Variants in SCN2A observed in about 807,000 individuals in gnomAD.
SCN2A encodes the protein sodium voltage-gated channel alpha subunit 2, also known as sodium channel protein type 2 subunit alpha.
A neutral mutation model predicts 188.7 loss-of-function variants in SCN2A; 20 were observed. That is an observed-to-expected ratio of 0.11 (90% CI 0.07 to 0.15). SCN2A has a LOEUF of 0.15. Among genes scored for constraint, SCN2A ranks in the 10% least tolerant of loss-of-function variants. The pLI, the probability that SCN2A is intolerant of heterozygous loss-of-function variation, is 1.00. For missense variants in SCN2A, 1,278 were observed against 2,445.0 expected (o/e 0.52, Z 10.07); for synonymous variants, 804 against 833.1 (o/e 0.97, Z 0.60).
intron 1 of SCN2A, chr2:165,294,234 A>G (rs1696377279): frequency 8.9e-6 from 4 of 449,988 alleles, no homozygotes; most frequent in Non-Finnish European, 1.2e-5. Flanking sequence ...GACCACTTTC[A>G]TTTTGAAGCT....
At chr2:165,342,905 AG>A (rs1359634516) in intron 15 of SCN2A, among the ~76,000 whole-genome samples, 1 of 150,924 alleles carries the variant, frequency 6.6e-6, no homozygotes, top group Non-Finnish European at 1.5e-5. Context: ...GAGTTAAGAC[AG>A]GGGATAGTGT....
rs755426489 is a variant in SCN2A, at chr2:165,308,717, A to G, written c.528A>G (p.Ala176=). The G allele has an allele frequency of 1.2e-6, 2 of 1,612,616 alleles. No homozygotes were observed. The highest frequency in any genetic ancestry group is 1.1e-5 in the South Asian group (1 of 91,064). The change falls in exon 5 of 27, where the codon GCA becomes GCG. Residue 176 remains alanine (A), a synonymous_variant. Coordinates refer to ENST00000375437, the MANE Select transcript of SCN2A (RefSeq NM_001040142.2). The part of the protein sequence containing the change: ...YTFESLIKIL[A]RGFCLEDFTF... ...TTGAATCACTTATTAAAATACTTGC[A>G]AGGGGCTTTTGTTTAGAAGATTTCA...
At chr2:165,361,236 T>C (rs893322657) in intron 17 of SCN2A, among the ~76,000 whole-genome samples, 4 of 151,990 alleles carry the variant, frequency 2.6e-5, no homozygotes, top group Non-Finnish European at 5.9e-5. Flanking sequence ...GTTCATGTAA[T>C]ATTCCAATGT....
intron 17 of SCN2A, among the ~76,000 whole-genome samples, chr2:165,359,526 T>A (rs1237849710): frequency 6.6e-6 from 1 of 152,044 alleles, no homozygotes; most frequent in Non-Finnish European, 1.5e-5. Context: ...TTATGGCAAT[T>A]TTTGATTTCC....
chr2:165,362,983 C>T (rs1287658076), intron 17 of SCN2A, among the ~76,000 whole-genome samples: 1 of 152,008 alleles, frequency 6.6e-6, no homozygotes, highest in East Asian at 1.9e-4. Flanking sequence ...TGAAAGTCTT[C>T]CCAAAGTCAT....
Position 165,354,517 on chromosome 2 carries a change from T to C in SCN2A, c.3245T>C (p.Val1082Ala). ...NGTTSGIGSS[V>A]EKYVVDESDY... ...ACTACTAGTGGCATAGGCAGCAGTG[T>C]AGAAAAATATGTCGTGGATGAAAGT... Residue 1082 changes from valine to alanine, a missense_variant, in exon 17 of 27, where the codon GTA becomes GCA. Transcript: ENST00000375437. 1 of 1,614,076 alleles carries C rather than the reference T, an allele frequency of 6.2e-7. No homozygotes were observed. The highest frequency in any genetic ancestry group is 8.5e-7 in the Non-Finnish European group (1 of 1,179,998).
chr2:165,344,686 C>T lies in SCN2A; in HGVS notation c.2694C>T (p.Val898=), dbSNP rs1051662437. The T allele has an allele frequency of 5.6e-6, 9 of 1,613,910 alleles. No individual in the cohort carries two copies. The highest frequency in any genetic ancestry group is 7.6e-6 in the Non-Finnish European group (9 of 1,180,018). The change falls in exon 16 of 27, where the codon GTC becomes GTT. Residue 898 remains valine (V), a synonymous_variant. Transcript: ENST00000375437. ...TCATCGTCTTCATTTTTGCTGTGGT[C>T]GGCATGCAGCTCTTTGGTAAGAGCT... ...LAIIVFIFAV[V]GMQLFGKSYK...
chr2:165,272,562 A>G (rs1695150673), intron 1 of SCN2A: 1 of 152,100 alleles, frequency 6.6e-6, no homozygotes, highest in Non-Finnish European at 1.5e-5. Context: ...CAGAATATAC[A>G]TTCTTTTCAA....
intron 17 of SCN2A, among the ~76,000 whole-genome samples, chr2:165,362,414 A>G (rs146731529): frequency 6.6e-6 from 1 of 151,532 alleles, no homozygotes; most frequent in Admixed American, 6.6e-5. Context: ...AAAAGCAATT[A>G]AAAAAAACAC....
intron 25 of SCN2A, among the ~76,000 whole-genome samples, chr2:165,383,997 G>A (rs911524740): frequency 2.0e-5 from 3 of 152,020 alleles, no homozygotes; most frequent in Admixed American, 2.0e-4. Context: ...TTAAAGGAAA[G>A]CAAAAGGAAT....
intron 1 of SCN2A, among the ~76,000 whole-genome samples, chr2:165,259,844 T>A (rs2106083824): frequency 6.6e-6 from 1 of 152,138 alleles, no homozygotes; most frequent in South Asian, 2.1e-4. Context: ...TTCAGAATGG[T>A]GAATTCTTTC....
intron 13 of SCN2A, 146 bp downstream of exon 13, chr2:165,327,130 T>TG: frequency 2.0e-6 from 2 of 1,007,522 alleles, no homozygotes; most frequent in Non-Finnish European, 3.0e-6. Context: ...CGTGCATAAC[T>TG]CATGGATTCT....
intron 17 of SCN2A, among the ~76,000 whole-genome samples, chr2:165,357,630 A>T (rs971807694): frequency 6.6e-6 from 1 of 152,094 alleles, no homozygotes; most frequent in Admixed American, 6.6e-5. Context: ...TATTAATGTA[A>T]TTCCTTTTGT....
At chr2:165,332,086 T>C (rs1698717668) in intron 14 of SCN2A, among the ~76,000 whole-genome samples, 1 of 151,876 alleles carries the variant, frequency 6.6e-6, no homozygotes, top group South Asian at 2.1e-4. Flanking sequence ...AAAATATATA[T>C]TAGCATTTAC....
At chr2:165,362,208 G>T (rs544346913) in intron 17 of SCN2A, among the ~76,000 whole-genome samples, 1 of 151,960 alleles carries the variant, frequency 6.6e-6, no homozygotes, top group Admixed American at 6.6e-5. Context: ...CTGAACCTTG[G>T]AAAAAGTAAA....
At chr2:165,347,188 A>C (rs939497950) in intron 16 of SCN2A, among the ~76,000 whole-genome samples, 1 of 152,228 alleles carries the variant, frequency 6.6e-6, no homozygotes, top group African/African-American at 2.4e-5. Context: ...ATTTGGAACC[A>C]ACCCAAATGC....
At position 165,367,334 on chromosome 2, in the gene SCN2A, T is replaced by G. The variant is rs1700783513; in HGVS notation, c.3638T>G (p.Phe1213Cys). ...KIVEHNWFET[F>C]IVFMILLSSG... ...GTGGAGCACAATTGGTTCGAAACCT[T>G]CATTGTCTTCATGATTCTGCTGAGC... The change falls in exon 19 of 27, where the codon TTC becomes TGC. Residue 1213 changes from phenylalanine to cysteine, a missense_variant. Transcript: ENST00000375437. The G allele has an allele frequency of 1.2e-6, 2 of 1,614,048 alleles. No homozygotes were observed. Among genetic ancestry groups the G allele is most frequent in the Non-Finnish European group, 1.7e-6 (2 of 1,180,018 alleles).
chr2:165,318,597 A>G (rs187714254), intron 11 of SCN2A, among the ~76,000 whole-genome samples: 2 of 152,342 alleles, frequency 1.3e-5, no homozygotes, highest in Admixed American at 1.3e-4. Context: ...CATGTAAACT[A>G]CGTTTTTGTA....
At chr2:165,282,098 A>G (rs353128) in intron 1 of SCN2A, among the ~76,000 whole-genome samples, 62,326 of 151,936 alleles carry the variant, frequency 0.41, 13,193 homozygotes, top group East Asian at 0.63. Flanking sequence ...GCTGCCCTTA[A>G]GCCTGTCGGG....
Sources: allele counts gnomAD v4.1 joint callset (sites outside exome capture counted in the v4.1 genomes callset), GRCh38; gene constraint gnomAD v4.1.1; transcripts MANE v1.5; gene names NCBI Gene and HGNC (gene_info 2026-07-23, HGNC 2026-07-21).